FSTL4: variants seen among roughly 807,000 people sequenced by gnomAD.
The protein encoded by FSTL4 is follistatin-related protein 4.
FSTL4 carries 28 observed loss-of-function variants against 78.2 expected under a neutral mutation model. The observed-to-expected ratio is 0.36, with a 90% CI of 0.27 to 0.49. The LOEUF (loss-of-function observed/expected upper bound fraction) is 0.49, where lower values mean the gene tolerates loss of function less well. Among genes scored for constraint, FSTL4 ranks in the 20% least tolerant of loss-of-function variants. The pLI, the probability that FSTL4 is intolerant of heterozygous loss-of-function variation, is 0.98. For missense variants in FSTL4, 922 were observed against 1,084.9 expected, an observed-to-expected ratio of 0.85 and a Z score of 2.11; for synonymous variants, 422 against 440.5, an observed-to-expected ratio of 0.96 and a Z score of 0.53.
At chr5:133,770,100 G>A in the FSTL4 span, among the ~76,000 whole-genome samples, 1 of 152,082 alleles carries the variant, frequency 6.6e-6, no homozygotes, top group South Asian at 2.1e-4. Context: ...GTGTGGGTGT[G>A]TGTGTGTATA....
chr5:133,231,160 C>T (rs1223737245), intron 8 of FSTL4, among the ~76,000 whole-genome samples: 2 of 151,576 alleles, frequency 1.3e-5, no homozygotes, highest in African/African-American at 4.9e-5. Context: ...CCACAGAATG[C>T]TTTTATTTCT....
chr5:133,326,298 C>T (rs1312626675), intron 4 of FSTL4, among the ~76,000 whole-genome samples: 1 of 152,202 alleles, frequency 6.6e-6, no homozygotes, highest in Non-Finnish European at 1.5e-5. Context: ...ACAGTGTTGA[C>T]TGAGCCACAA....
At chr5:133,372,783 T>G (rs1291784580) in intron 4 of FSTL4, among the ~76,000 whole-genome samples, 1 of 152,196 alleles carries the variant, frequency 6.6e-6, no homozygotes, top group African/African-American at 2.4e-5. Context: ...TGGTGCGAAC[T>G]GAGCCTCCAG....
At chr5:133,753,692 TG>T in the FSTL4 span, among the ~76,000 whole-genome samples, 3 of 102,842 alleles carry the variant, frequency 2.9e-5, no homozygotes, top group African/African-American at 7.1e-5. Flanking sequence ...TCTGTGTGTG[TG>T]TGTGTGTGTG....
chr5:133,784,049 A>G, the FSTL4 span, among the ~76,000 whole-genome samples: 21 of 152,274 alleles, frequency 1.4e-4, no homozygotes, highest in African/African-American at 5.1e-4. Flanking sequence ...GCTTGACATC[A>G]GTAGGTTCAG....
chr5:133,796,693 A>T, the FSTL4 span, among the ~76,000 whole-genome samples: 1 of 151,790 alleles, frequency 6.6e-6, no homozygotes, highest in Non-Finnish European at 1.5e-5. Flanking sequence ...TGCTTGTCTC[A>T]TCTCCTCACC....
the FSTL4 span, among the ~76,000 whole-genome samples, chr5:133,739,414 T>G: frequency 6.6e-6 from 1 of 151,960 alleles, no homozygotes; most frequent in Non-Finnish European, 1.5e-5. Flanking sequence ...AGGAACCCAC[T>G]GCCAGCAGAA....
At chr5:133,781,211 G>T in the FSTL4 span, among the ~76,000 whole-genome samples, 2 of 152,050 alleles carry the variant, frequency 1.3e-5, no homozygotes, top group African/African-American at 2.4e-5. Context: ...TGCAAACTAC[G>T]CAGGCTATTT....
chr5:133,611,928 G>C lies in FSTL4; in HGVS notation c.-11+397C>G, dbSNP rs1166257118. On this transcript the variant is annotated intron_variant, in intron 1 of 15. Transcript: ENST00000265342. The surrounding 1 kb of genome is among the most constrained non-coding windows in gnomAD (Gnocchi z 4.9). ...CCTGGCTCCGCCGGGGCCGCTCGGG[G>C]TCCTGAACCCAAGAACGGCGCCTGC... Among the ~76,000 whole-genome samples, 1 of 151,944 alleles carries C rather than the reference G, an allele frequency of 6.6e-6. No individual in the cohort carries two copies. Among genetic ancestry groups the C allele is most frequent in the African/African-American group, 2.4e-5 (1 of 41,404 alleles).
At position 133,260,497 on chromosome 5, in the gene FSTL4, G is replaced by C. The variant is rs568549155; in HGVS notation, c.728-10921C>G. The stretch of plus-strand genomic sequence containing the variant: ...GATGAACTCCTGATGAGGGGTTCCT[G>C]TGCCAGCCGTCAGCTCTGCTGCTCC... On this transcript the variant is annotated intron_variant, in intron 6 of 15. Coordinates refer to ENST00000265342, the MANE Select transcript of FSTL4 (RefSeq NM_015082.2). 3.3e-5 allele frequency among the ~76,000 whole-genome samples: 5 copies of C among 152,286 alleles called. No individual in the cohort carries two copies. In the East Asian group the frequency reaches 7.7e-4, roughly 24 times the overall value.
At chr5:133,569,532 T>C (rs1376383712) in intron 2 of FSTL4, among the ~76,000 whole-genome samples, 2 of 152,242 alleles carry the variant, frequency 1.3e-5, no homozygotes, top group Admixed American at 6.5e-5. Flanking sequence ...GGAATGTGGG[T>C]TGGGATGGCG....
At chr5:133,606,144 G>A (rs1760971937) in intron 1 of FSTL4, among the ~76,000 whole-genome samples, 1 of 152,186 alleles carries the variant, frequency 6.6e-6, no homozygotes, top group Non-Finnish European at 1.5e-5. Flanking sequence ...TCTTGAGATG[G>A]AGTTTCACTC....
the FSTL4 span, among the ~76,000 whole-genome samples, chr5:133,821,597 G>A: frequency 1.3e-5 from 2 of 152,196 alleles, no homozygotes; most frequent in Non-Finnish European, 2.9e-5. Flanking sequence ...GTGTGCTCAG[G>A]GGTGAGAGGT....
chr5:133,726,937 G>A, the FSTL4 span, among the ~76,000 whole-genome samples: 1 of 152,062 alleles, frequency 6.6e-6, no homozygotes, highest in Admixed American at 6.5e-5. Context: ...TTCAAAGTCT[G>A]GATCCTCCTA....
At position 133,353,033 on chromosome 5, in the gene FSTL4, A is replaced by G. The variant is rs1323523111; in HGVS notation, c.410-36381T>C. On this transcript the variant is annotated intron_variant, in intron 4 of 15. Transcript: ENST00000265342. ...ACAGCAGATCTGTCCTCTTCTTCCC[A>G]TTTCTCTCCCCTTCCAGCCCATTTA... 3.3e-5 allele frequency among the ~76,000 whole-genome samples: 5 copies of G among 152,168 alleles called. No homozygotes were observed. In the East Asian group the frequency reaches 9.7e-4, roughly 29 times the overall value.
At chr5:133,563,733 C>T (rs1759970178) in intron 3 of FSTL4, among the ~76,000 whole-genome samples, 1 of 152,184 alleles carries the variant, frequency 6.6e-6, no homozygotes, top group Admixed American at 6.5e-5. Flanking sequence ...TGGTTAAAAA[C>T]AACACAATTA....
intron 3 of FSTL4, among the ~76,000 whole-genome samples, chr5:133,510,364 G>T (rs1364520925): frequency 6.6e-6 from 1 of 152,180 alleles, no homozygotes; most frequent in East Asian, 1.9e-4. Context: ...AGTTAAATGA[G>T]CTCCTGCTTA....
intron 14 of FSTL4, among the ~76,000 whole-genome samples, chr5:133,207,070 A>C (rs2126766725): frequency 1.3e-5 from 2 of 152,320 alleles, no homozygotes; most frequent in South Asian, 4.1e-4. Flanking sequence ...ACAAAAATTT[A>C]AAGTTTCTTT....
the FSTL4 span, among the ~76,000 whole-genome samples, chr5:133,637,776 A>C: frequency 6.6e-6 from 1 of 151,670 alleles, no homozygotes; most frequent in East Asian, 1.9e-4. Context: ...TCTGAAACTT[A>C]CATCTCCAGC....
Sources: gnomAD v4.1 joint callset for allele counts (sites outside exome capture counted in the v4.1 genomes callset) on GRCh38, gnomAD v4.1.1 for gene constraint, Gnocchi (gnomAD v3.1) non-coding constraint, MANE v1.5 for transcripts, NCBI Gene and HGNC (gene_info 2026-07-23, HGNC 2026-07-21) for gene names.